The following PEAK1 variants were observed in gnomAD, a reference collection of about 807,000 sequenced individuals.
PEAK1 encodes inactive tyrosine-protein kinase PEAK1.
PEAK1 carries 54 observed loss-of-function variants against 124.7 expected under a neutral mutation model. The ratio of observed to expected loss-of-function variants is 0.43; its 90% CI spans 0.35 to 0.54. The LOEUF (loss-of-function observed/expected upper bound fraction) is 0.54. Among genes scored for constraint, PEAK1 ranks in the 20% least tolerant of loss-of-function variants. The probability of loss-of-function intolerance (pLI) is 0.01; values close to 1 mark genes in which losing one functional copy is unlikely to be tolerated. For synonymous variants in PEAK1, 719 were observed against 760.0 expected, an observed-to-expected ratio of 0.95 and a Z score of 0.89; for missense variants, 2,046 against 2,134.5, an observed-to-expected ratio of 0.96 and a Z score of 0.82.
intron 2 of PEAK1, among the ~76,000 whole-genome samples, chr15:77,296,791 C>T (rs2063509149): frequency 1.3e-5 from 2 of 151,012 alleles, no homozygotes; most frequent in South Asian, 4.2e-4. Flanking sequence ...TTTAAAGAGG[C>T]CCATATTTTT....
At chr15:77,413,191 T>C (rs979103485) in intron 1 of PEAK1, among the ~76,000 whole-genome samples, 1 of 152,196 alleles carries the variant, frequency 6.6e-6, no homozygotes, top group Non-Finnish European at 1.5e-5. Context: ...AGCCTCAAAG[T>C]AGCTCTCTCA....
At chr15:77,347,991 T>A (rs1337464223) in intron 2 of PEAK1, 10 of 985,114 alleles carry the variant, frequency 1.0e-5, no homozygotes, top group Non-Finnish European at 6.0e-6. Context: ...TAACAAGACA[T>A]TTTGTAATAG....
At chr15:77,153,425 C>G (rs1217227756) in intron 8 of PEAK1, among the ~76,000 whole-genome samples, 1 of 151,830 alleles carries the variant, frequency 6.6e-6, no homozygotes, top group African/African-American at 2.4e-5. Context: ...TTGATCTTTT[C>G]AAAAAAACAG....
intron 1 of PEAK1, among the ~76,000 whole-genome samples, chr15:77,398,070 A>C (rs1335052085): frequency 6.6e-6 from 1 of 152,190 alleles, no homozygotes; most frequent in Non-Finnish European, 1.5e-5. Flanking sequence ...CATCTCAAAA[A>C]AATAAATAAA....
chr15:77,376,364 A>G (rs1475205504), intron 1 of PEAK1, among the ~76,000 whole-genome samples: 2 of 151,946 alleles, frequency 1.3e-5, no homozygotes, highest in Non-Finnish European at 2.9e-5. Context: ...TACCTGCTCT[A>G]TATTTCCCAG....
chr15:77,161,148 A>T (rs1267044405), intron 7 of PEAK1, among the ~76,000 whole-genome samples: 2 of 152,242 alleles, frequency 1.3e-5, no homozygotes, highest in Admixed American at 1.3e-4. Flanking sequence ...TCCCCATTAA[A>T]GGAAAATTTC....
chr15:77,233,650 C>T (rs1043482994), intron 6 of PEAK1, among the ~76,000 whole-genome samples: 1 of 152,090 alleles, frequency 6.6e-6, no homozygotes, highest in African/African-American at 2.4e-5. Flanking sequence ...CTTATTACTC[C>T]CAAATTTTAT....
chr15:77,162,814 T>TA (rs1272668338), intron 7 of PEAK1, among the ~76,000 whole-genome samples: 1 of 152,120 alleles, frequency 6.6e-6, no homozygotes, highest in Non-Finnish European at 1.5e-5. Flanking sequence ...AGACAGATGG[T>TA]AAAAAAATTA....
chr15:77,263,386 G>A (rs1450732993), intron 5 of PEAK1, among the ~76,000 whole-genome samples: 1 of 150,724 alleles, frequency 6.6e-6, no homozygotes, highest in Non-Finnish European at 1.5e-5. Flanking sequence ...AAAGAGAGAA[G>A]AATCAAATAG....
intron 8 of PEAK1, among the ~76,000 whole-genome samples, chr15:77,136,637 G>A (rs1035294530): frequency 3.3e-5 from 5 of 152,028 alleles, no homozygotes; most frequent in African/African-American, 9.7e-5. Context: ...CTGTACTCCA[G>A]TATTGGTGAC....
At chr15:77,419,567 G>A in intron 1 of PEAK1, 2 of 985,202 alleles carry the variant, frequency 2.0e-6, no homozygotes, top group South Asian at 9.4e-5. Context: ...CGGGCTGACC[G>A]TGTGGACCCG....
At chr15:77,231,883 T>C (rs1162469578) in intron 6 of PEAK1, among the ~76,000 whole-genome samples, 1 of 152,198 alleles carries the variant, frequency 6.6e-6, no homozygotes, top group Non-Finnish European at 1.5e-5. Context: ...TACACACTCA[T>C]ACAAATTCAT....
At chr15:77,162,259 C>T (rs377599353) in intron 7 of PEAK1, among the ~76,000 whole-genome samples, 1 of 151,692 alleles carries the variant, frequency 6.6e-6, no homozygotes, top group Non-Finnish European at 1.5e-5. Context: ...TTTGGGAGGC[C>T]GATGCAGGTG....
intron 1 of PEAK1, among the ~76,000 whole-genome samples, chr15:77,408,000 C>T: frequency 6.6e-6 from 1 of 150,742 alleles, no homozygotes. Context: ...TACACATACA[C>T]ACACGTACAC....
At chr15:77,128,932 C>G (rs1003228494) in intron 9 of PEAK1, among the ~76,000 whole-genome samples, 1 of 152,274 alleles carries the variant, frequency 6.6e-6, no homozygotes, top group South Asian at 2.1e-4. Flanking sequence ...TATTCTGAGG[C>G]AGGATGGGTT....
intron 2 of PEAK1, among the ~76,000 whole-genome samples, chr15:77,329,079 C>A (rs913522408): frequency 5.3e-5 from 8 of 152,054 alleles, no homozygotes; most frequent in African/African-American, 1.9e-4. Flanking sequence ...AAACAAAGCA[C>A]ATTTATTTTT....
intron 8 of PEAK1, among the ~76,000 whole-genome samples, chr15:77,154,347 C>T (rs942281465): frequency 3.9e-5 from 6 of 152,088 alleles, no homozygotes; most frequent in African/African-American, 1.4e-4. Flanking sequence ...GGTAGATCTT[C>T]CTCCATCCCT....
At chr15:77,325,879 ATAAAGT>A (rs1447144670) in intron 2 of PEAK1, among the ~76,000 whole-genome samples, 9 of 152,162 alleles carry the variant, frequency 5.9e-5, no homozygotes, top group Non-Finnish European at 8.8e-5. Flanking sequence ...GTTACCTTAT[ATAAAGT>A]TAAAGTTGGA....
At chr15:77,332,173 A>G (rs2065928791) in intron 2 of PEAK1, 6 of 965,638 alleles carry the variant, frequency 6.2e-6, no homozygotes, top group Non-Finnish European at 4.9e-6. Flanking sequence ...GAGAATAGCT[A>G]GTAATATAAG....
Sources: allele counts gnomAD v4.1 joint callset (sites outside exome capture counted in the v4.1 genomes callset), GRCh38; gene constraint gnomAD v4.1.1; transcripts MANE v1.5; gene names NCBI Gene and HGNC (gene_info 2026-07-23, HGNC 2026-07-21).